PDE7B: variants seen among roughly 807,000 people sequenced by gnomAD.
The protein encoded by PDE7B is phosphodiesterase 7B.
Under a neutral mutation model 56.2 loss-of-function variants are expected in PDE7B, and 29 were observed. That is an observed-to-expected ratio of 0.52 (90% CI 0.38 to 0.70). The LOEUF is 0.70. Ranked by LOEUF, PDE7B falls within the 30% of genes least tolerant of loss-of-function variation. The pLI is 0.00. For synonymous variants in PDE7B, 197 were observed against 196.9 expected (o/e 1.00, Z 0.00); for missense variants, 490 against 565.0 (o/e 0.87, Z 1.35).
At chr6:135,897,694 A>G (rs1398408265) in intron 1 of PDE7B, among the ~76,000 whole-genome samples, 1 of 152,220 alleles carries the variant, frequency 6.6e-6, no homozygotes, top group Admixed American at 6.5e-5. Context: ...GAAATGAACC[A>G]CTTACTTCAA....
At chr6:135,953,645 T>C (rs149319813) in intron 2 of PDE7B, among the ~76,000 whole-genome samples, 1 of 152,292 alleles carries the variant, frequency 6.6e-6, no homozygotes, top group East Asian at 1.9e-4. Flanking sequence ...TTTATATTAG[T>C]AGTATTTTTA....
intron 2 of PDE7B, among the ~76,000 whole-genome samples, chr6:136,080,414 T>C (rs931682777): frequency 6.6e-6 from 1 of 152,184 alleles, no homozygotes; most frequent in Non-Finnish European, 1.5e-5. Context: ...ACAATGCCCT[T>C]CAGAGGTTTC....
chr6:136,156,165 G>T (rs1008652107), intron 8 of PDE7B: 3 of 256,364 alleles, frequency 1.2e-5, no homozygotes, highest in Non-Finnish European at 2.3e-5. Flanking sequence ...TGATCCAAGT[G>T]TGTGTGTGTG....
chr6:136,163,173 A>G (rs1472841119), intron 8 of PDE7B, among the ~76,000 whole-genome samples: 1 of 152,224 alleles, frequency 6.6e-6, no homozygotes, highest in Non-Finnish European at 1.5e-5. Context: ...GAGGTTTTCC[A>G]TGAGGGTTCT....
At chr6:135,865,033 A>G (rs1012327080) in intron 1 of PDE7B, among the ~76,000 whole-genome samples, 1 of 147,976 alleles carries the variant, frequency 6.8e-6, no homozygotes, top group African/African-American at 2.5e-5. Context: ...GAGTGAGAAC[A>G]TGCAATGTTT....
At chr6:136,177,705 A>G (rs1779001782) in intron 9 of PDE7B, among the ~76,000 whole-genome samples, 2 of 152,326 alleles carry the variant, frequency 1.3e-5, no homozygotes, top group South Asian at 4.1e-4. Context: ...TTTTGAAAAT[A>G]ATTGGCATTA....
intron 10 of PDE7B, among the ~76,000 whole-genome samples, chr6:136,180,758 CCTGA>C (rs1779050435): frequency 6.6e-6 from 1 of 152,216 alleles, no homozygotes; most frequent in Admixed American, 6.5e-5. Context: ...GACTTCATTC[CCTGA>C]CTGGCAGTCT....
At chr6:135,989,175 G>T (rs1322390486) in intron 2 of PDE7B, among the ~76,000 whole-genome samples, 4 of 152,106 alleles carry the variant, frequency 2.6e-5, no homozygotes, top group African/African-American at 9.7e-5. Context: ...CAATTAGAAG[G>T]AACTTGTTAA....
intron 2 of PDE7B, among the ~76,000 whole-genome samples, chr6:135,986,427 CA>C (rs1229312490): frequency 1.3e-5 from 2 of 152,120 alleles, no homozygotes; most frequent in African/African-American, 4.8e-5. Context: ...TGCAATTAAG[CA>C]AGATTTTAAA....
chr6:135,923,216 C>T (rs1774122084), intron 1 of PDE7B, among the ~76,000 whole-genome samples: 1 of 152,184 alleles, frequency 6.6e-6, no homozygotes, highest in Admixed American at 6.5e-5. Context: ...GAAAAAGGCT[C>T]ATACAATTCC....
Position 135,947,137 on chromosome 6 carries a change from A to G in PDE7B, c.22-327A>G, listed in dbSNP as rs375196406. ...CAATTTTGAGAATAATTAGCCGCAG[A>G]TTATTGGGCCTAATAGATTGCATAT... On this transcript the variant is annotated intron_variant, in intron 1 of 12. Coordinates refer to ENST00000308191, the MANE Select transcript of PDE7B (RefSeq NM_018945.4). Among the ~76,000 whole-genome samples, 7 of 152,210 alleles carry G rather than the reference A, an allele frequency of 4.6e-5. No individual in the cohort carries two copies. The East Asian group carries it at 9.6e-4, about 21-fold the overall frequency.
chr6:135,876,897 C>T (rs1775505667), intron 1 of PDE7B, among the ~76,000 whole-genome samples: 1 of 152,014 alleles, frequency 6.6e-6, no homozygotes, highest in Non-Finnish European at 1.5e-5. Flanking sequence ...TATTTCTAAA[C>T]CACCCTTTCA....
At chr6:136,063,747 A>G (rs1185135595) in intron 2 of PDE7B, among the ~76,000 whole-genome samples, 1 of 152,114 alleles carries the variant, frequency 6.6e-6, no homozygotes, top group African/African-American at 2.4e-5. Flanking sequence ...ATTCACTGTT[A>G]CTTCTGCCTC....
At chr6:135,930,301 C>G (rs1017880658) in intron 1 of PDE7B, among the ~76,000 whole-genome samples, 3 of 152,236 alleles carry the variant, frequency 2.0e-5, no homozygotes, top group South Asian at 4.2e-4. Flanking sequence ...TCAGTTATCT[C>G]CCACTGGGTC....
At chr6:135,973,563 G>A (rs563208071) in intron 2 of PDE7B, among the ~76,000 whole-genome samples, 1 of 152,080 alleles carries the variant, frequency 6.6e-6, no homozygotes, top group Non-Finnish European at 1.5e-5. Flanking sequence ...GTTTTCCATA[G>A]CACCTCACCA....
chr6:135,889,585 C>T (rs527822319), intron 1 of PDE7B, among the ~76,000 whole-genome samples: 7 of 150,242 alleles, frequency 4.7e-5, no homozygotes, highest in African/African-American at 9.8e-5. Flanking sequence ...GGATTACAGG[C>T]GCCCACCACC....
At chr6:136,076,696 T>C (rs1777133649) in intron 2 of PDE7B, among the ~76,000 whole-genome samples, 1 of 152,092 alleles carries the variant, frequency 6.6e-6, no homozygotes, top group Non-Finnish European at 1.5e-5. Flanking sequence ...AAGACTAAGA[T>C]GTATTCTCTG....
chr6:135,920,898 G>A (rs1002348251), intron 1 of PDE7B, among the ~76,000 whole-genome samples: 16 of 152,148 alleles, frequency 1.1e-4, no homozygotes, highest in African/African-American at 1.7e-4. Flanking sequence ...ACGTCACTGC[G>A]GGATTTCAAC....
At chr6:135,925,963 T>A (rs1045724784) in intron 1 of PDE7B, among the ~76,000 whole-genome samples, 1 of 152,092 alleles carries the variant, frequency 6.6e-6, no homozygotes. Flanking sequence ...GCCACTATAA[T>A]AGAAGACAGA....
Sources: allele counts gnomAD v4.1 joint callset (sites outside exome capture counted in the v4.1 genomes callset), GRCh38; gene constraint gnomAD v4.1.1; transcripts MANE v1.5; gene names NCBI Gene and HGNC (gene_info 2026-07-23, HGNC 2026-07-21).